Variants in MUC5AC observed in about 807,000 individuals in gnomAD.
The protein encoded by MUC5AC is mucin 5AC, oligomeric mucus/gel-forming.
MUC5AC carries 158 observed loss-of-function variants against 169.7 expected under a neutral mutation model. That is an observed-to-expected ratio of 0.93 (90% CI 0.82 to 1.06). The LOEUF (loss-of-function observed/expected upper bound fraction) is 1.06, where lower values mean the gene tolerates loss of function less well. Ranked by LOEUF, MUC5AC falls within the 50% of genes least tolerant of loss-of-function variation. The pLI, the probability that MUC5AC is intolerant of heterozygous loss-of-function variation, is 0.00. For missense variants in MUC5AC, 4,359 were observed against 3,089.9 expected (o/e 1.41, Z -9.74); for synonymous variants, 1,975 against 1,237.0 (o/e 1.60, Z -12.52).
chr11:1,169,690 A>C, intron 15 of MUC5AC, among the ~76,000 whole-genome samples: 1 of 139,278 alleles, frequency 7.2e-6, no homozygotes, highest in African/African-American at 2.8e-5. Context: ...CCATTCACCC[A>C]TTCACCCACT....
Position 1,191,417 on chromosome 11 carries a change from A to T in MUC5AC, c.13272A>T (p.Arg4424Ser). 1 of 629,684 alleles carries T rather than the reference A, an allele frequency of 1.6e-6. No homozygotes were observed. Among genetic ancestry groups the T allele is most frequent in the East Asian group, 2.9e-5 (1 of 34,862 alleles). 39.0% of individuals were successfully genotyped at this position (629,684 alleles called of 1,614,324 possible). ...TTSTTSAPTT[R>S]TTPASTASTT... ...GCACAACCTCTGCTCCTACAACCAG[A>T]ACAACCCCTGCCTCTACAGCCAGCA... Residue 4424 changes from arginine (R) to serine (S), a missense_variant, in exon 31 of 49, where the codon AGA becomes AGT. By Grantham distance (110) the Arg-to-Ser change is moderately radical (BLOSUM62 -1). Coordinates refer to ENST00000621226, the MANE Select transcript of MUC5AC (RefSeq NM_001304359.2).
chr11:1,174,709 G>A (rs1860630836), intron 17 of MUC5AC, 87 bp downstream of exon 17: 2 of 592,804 alleles, frequency 3.4e-6, no homozygotes, highest in East Asian at 6.3e-5. Context: ...TTGCTCTAAG[G>A]GCCCCCGTCC....
intron 16 of MUC5AC, 66 bp downstream of exon 16, chr11:1,172,589 G>C (rs1194590720): frequency 5.5e-5 from 22 of 398,450 alleles, no homozygotes; most frequent in Admixed American, 8.8e-5. Context: ...GCCTCCAGGA[G>C]GGCTGGGAGG....
rs1379346687 is a variant in MUC5AC at position 1,188,200 on chromosome 11, C to T, written c.10055C>T (p.Ser3352Phe). 1.9e-5 allele frequency: 13 copies of T among 683,010 alleles called. No individual in the cohort carries two copies. The African/African-American group carries it at 2.1e-4, about 11-fold the overall frequency. The allele number at this position is 683,010 out of a possible 1,614,324, so 42.3% of individuals were successfully genotyped here. Residue 3352 changes from serine to phenylalanine, a missense_variant, in exon 31 of 49, where the codon TCT (serine) becomes TTT (phenylalanine). Physicochemically the swap from Ser to Phe is radical, Grantham distance 155. Coordinates refer to ENST00000621226, the MANE Select transcript of MUC5AC (RefSeq NM_001304359.2). Reference protein sequence around the residue: ...RATSPTQSTSSWQKSRTTTLV... With the variant: ...RATSPTQSTSFWQKSRTTTLV... Reference sequence around the variant, plus strand: ...ACCAGCCCAACTCAGAGCACTTCCTCTTGGCAGAAATCCAGGACAACCACT... The same window carrying T: ...ACCAGCCCAACTCAGAGCACTTCCTTTTGGCAGAAATCCAGGACAACCACT...
chr11:1,194,044 G>T, intron 33 of MUC5AC, 66 bp from the exon 34 acceptor site: 2 of 592,290 alleles, frequency 3.4e-6, no homozygotes, highest in Non-Finnish European at 5.9e-6. Flanking sequence ...CCTGTTGGGA[G>T]GAAAGCCCCA....
At position 1,198,288 on chromosome 11, in the gene MUC5AC, A is replaced by G. The variant is rs1861336001; in HGVS notation, c.16156A>G (p.Asn5386Asp). The change falls in exon 43 of 49, where the codon AAC (asparagine) becomes GAC (aspartate). Residue 5386 changes from asparagine (N) to aspartate (D), a missense_variant. Asn to Asp is a conservative substitution (Grantham distance 23). Coordinates refer to ENST00000621226, the MANE Select transcript of MUC5AC (RefSeq NM_001304359.2). Reference sequence around the variant, plus strand: ...GGCAGGCTGGACAGTGTGCAGCATCAACGGGACCCTGTACCAGGTAAGAGC... The same window carrying G: ...GGCAGGCTGGACAGTGTGCAGCATCGACGGGACCCTGTACCAGGTAAGAGC... ...QNCSWTVCSI[N>D]GTLYQPGAVV... 1 of 754,908 alleles carries G rather than the reference A, an allele frequency of 1.3e-6. No homozygotes were observed. 46.8% of individuals were successfully genotyped at this position (754,908 alleles called of 1,614,324 possible).
In MUC5AC at chr11:1,178,005, G is replaced by A. The variant is rs1053680069; in HGVS notation, c.3087+372G>A. Among the ~76,000 whole-genome samples, 7 of 152,260 alleles carry A rather than the reference G, an allele frequency of 4.6e-5. No individual in the cohort carries two copies. The East Asian group carries it at 7.7e-4, about 17-fold the overall frequency. The stretch of plus-strand genomic sequence containing the variant: ...TGGCTGTGGCCACATCACTTGGATC[G>A]CCGCCCCGTCTTCACGCAGCCTCCT... On this transcript the variant is annotated intron_variant, in intron 24 of 48. Coordinates refer to ENST00000621226, the MANE Select transcript of MUC5AC (RefSeq NM_001304359.2).
Position 1,194,401 on chromosome 11 carries a change from G to A in MUC5AC, c.15006+41G>A, listed in dbSNP as rs1174765345. ...GTGTGCCGCGGAGGGGGTGGGGGAC[G>A]CGGCTTTCCCGGCAAGAGCCTGAGC... On this transcript the variant is annotated intron_variant, in intron 34 of 48. Coordinates refer to ENST00000621226, the MANE Select transcript of MUC5AC (RefSeq NM_001304359.2). 12 of 708,768 alleles carry A rather than the reference G, an allele frequency of 1.7e-5. No homozygotes were observed. The East Asian group carries it at 2.4e-4, about 14-fold the overall frequency. The allele number at this position is 708,768 out of a possible 1,614,324, so 43.9% of individuals were successfully genotyped here. A position where few individuals can be genotyped will look rare whatever the true frequency, so the allele number is the denominator to read the frequency against.
rs28652890 is a variant in MUC5AC, at chr11:1,195,858, T to C, written c.15459-18T>C. ...GCCGGAGAGGCTGCACCCAGCACCCTGCCCATCCCTCCCACAGGGTCTTTG... is the reference window on the plus strand; with the variant it reads ...GCCGGAGAGGCTGCACCCAGCACCCCGCCCATCCCTCCCACAGGGTCTTTG... On this transcript the variant is annotated intron_variant, in intron 36 of 48. Coordinates refer to ENST00000621226, the MANE Select transcript of MUC5AC (RefSeq NM_001304359.2). The C allele has an allele frequency of 0.41, 296,357 of 719,254 alleles. 66,438 individuals carry two copies. The highest frequency in any genetic ancestry group is 0.66 in the African/African-American group (38,145 of 57,596). The allele number at this position is 719,254 out of a possible 1,614,324, so 44.6% of individuals were successfully genotyped here. A position where few individuals can be genotyped will look rare whatever the true frequency, so the allele number is the denominator to read the frequency against.
chr11:1,166,841 C>T (rs1263931044), intron 11 of MUC5AC, among the ~76,000 whole-genome samples: 3 of 90,198 alleles, frequency 3.3e-5, no homozygotes, highest in Non-Finnish European at 6.3e-5. Context: ...AGTTTCTCCA[C>T]GATGAGACCC....
At chr11:1,170,708 C>T (rs1860486887) in intron 15 of MUC5AC, among the ~76,000 whole-genome samples, 2 of 137,982 alleles carry the variant, frequency 1.4e-5, no homozygotes, top group Non-Finnish European at 3.1e-5. Context: ...CACTCACTCA[C>T]CCACTCACTG....
chr11:1,196,826 C>T (rs1861288378), intron 39 of MUC5AC, 51 bp from the exon 40 acceptor site: 1 of 754,104 alleles, frequency 1.3e-6, no homozygotes. Context: ...CTGCCTCTCG[C>T]CCCTATTGTG....
rs372695156 is a variant in MUC5AC, at chr11:1,165,726, C to T, written c.1352C>T (p.Thr451Met). The change falls in exon 11 of 49, where the codon ACG becomes ATG. Residue 451 changes from threonine (T) to methionine (M), a missense_variant. Coordinates refer to ENST00000621226, the MANE Select transcript of MUC5AC (RefSeq NM_001304359.2). ...HFSTFDGKQY[T>M]VHGDCSYVLT... ...TCAACGTTTGACGGGAAGCAATACACGGTGCACGGCGACTGCAGCTATGTG... is the reference window on the plus strand; with the variant it reads ...TCAACGTTTGACGGGAAGCAATACATGGTGCACGGCGACTGCAGCTATGTG... The T allele has an allele frequency of 1.1e-4, 181 of 1,612,338 alleles. No individual in the cohort carries two copies. The highest frequency in any genetic ancestry group is 4.0e-4 in the Admixed American group (24 of 60,018).
chr11:1,169,652 TCACTCACC>T (rs1325763399), intron 15 of MUC5AC, among the ~76,000 whole-genome samples: 7 of 95,354 alleles, frequency 7.3e-5, no homozygotes, highest in South Asian at 4.1e-4. Context: ...ACCCATTCAC[TCACTCACC>T]CACTCACCCA....
chr11:1,172,194 G>A (rs1860566454), intron 15 of MUC5AC, among the ~76,000 whole-genome samples: 1 of 152,228 alleles, frequency 6.6e-6, no homozygotes, highest in African/African-American at 2.4e-5. Context: ...GGGCTGGGTG[G>A]GACATGCAGG....
chr11:1,193,383 C>T, intron 32 of MUC5AC, 102 bp from the exon 33 acceptor site: 2 of 632,752 alleles, frequency 3.2e-6, no homozygotes, highest in South Asian at 3.5e-5. Context: ...AGCCACCCTC[C>T]CCTGTCCCCA....
intron 1 of MUC5AC, among the ~76,000 whole-genome samples, chr11:1,160,374 G>A (rs1564904835): frequency 6.6e-6 from 1 of 152,040 alleles, no homozygotes; most frequent in African/African-American, 2.4e-5. Context: ...GACGCCACCT[G>A]CTCCATGGGG....
At chr11:1,171,807 TTCAC>T (rs1274750627) in intron 15 of MUC5AC, among the ~76,000 whole-genome samples, 8 of 90,282 alleles carry the variant, frequency 8.9e-5, no homozygotes, top group East Asian at 3.7e-4. Context: ...CACTCATCCA[TTCAC>T]TCACTCACCC....
chr11:1,158,374 G>A (rs576737075), intron 1 of MUC5AC, among the ~76,000 whole-genome samples: 46 of 152,326 alleles, frequency 3.0e-4, no homozygotes, highest in Non-Finnish European at 2.9e-4. Context: ...CCCAGAAGCC[G>A]ACAGCACCTG....
Sources: gnomAD v4.1 joint callset for allele counts (sites outside exome capture counted in the v4.1 genomes callset) on GRCh38, gnomAD v4.1.1 for gene constraint, MANE v1.5 for transcripts, NCBI Gene and HGNC (gene_info 2026-07-23, HGNC 2026-07-21) for gene names.